Variants in CHRDL1 observed in about 807,000 individuals in gnomAD.
CHRDL1 encodes chordin-like protein 1.
A neutral mutation model predicts 40.9 loss-of-function variants in CHRDL1; 19 were observed. The observed-to-expected ratio is 0.46, with a 90% CI of 0.32 to 0.68. CHRDL1 has a LOEUF of 0.68. Among genes scored for constraint, CHRDL1 ranks in the 30% least tolerant of loss-of-function variants. The probability of loss-of-function intolerance (pLI) is 0.03; values close to 1 mark genes in which losing one functional copy is unlikely to be tolerated. For synonymous variants in CHRDL1, 136 were observed against 123.4 expected (o/e 1.10, Z -0.68); for missense variants, 329 against 352.1 (o/e 0.93, Z 0.53).
At chrX:110,707,009 C>T (rs1217557147) in intron 6 of CHRDL1, among the ~76,000 whole-genome samples, 3 of 111,585 alleles carry the variant, frequency 2.7e-5, no homozygotes, top group Non-Finnish European at 5.6e-5. Flanking sequence ...TCTCTCCTTA[C>T]CATGAGCTGG....
intron 10 of CHRDL1, among the ~76,000 whole-genome samples, chrX:110,681,270 A>C (rs1268323976): frequency 8.9e-6 from 1 of 112,019 alleles, no homozygotes; most frequent in Non-Finnish European, 1.9e-5. Flanking sequence ...GCAGCTTTGG[A>C]AACCCAAGGG....
At chrX:110,693,933 A>G (rs1193917589) in intron 8 of CHRDL1, among the ~76,000 whole-genome samples, 1 of 111,649 alleles carries the variant, frequency 9.0e-6, no homozygotes, top group African/African-American at 3.3e-5. Context: ...GAGAAAATAC[A>G]AGAGGCTGTT....
At chrX:110,702,501 A>G (rs760181846) in intron 6 of CHRDL1, among the ~76,000 whole-genome samples, 20 of 111,912 alleles carry the variant, frequency 1.8e-4, no homozygotes, top group Non-Finnish European at 3.8e-4. Flanking sequence ...GTAGCCATTC[A>G]GAGTCTAATA....
intron 9 of CHRDL1, among the ~76,000 whole-genome samples, chrX:110,685,269 CT>C (rs1358865779): frequency 9.0e-6 from 1 of 111,121 alleles, no homozygotes; most frequent in African/African-American, 3.3e-5. Context: ...TTCTTTCTTT[CT>C]TTTTTTGAGA....
intron 4 of CHRDL1, among the ~76,000 whole-genome samples, chrX:110,739,080 A>T (rs776675097): frequency 6.2e-5 from 7 of 112,148 alleles, no homozygotes; most frequent in South Asian, 7.6e-4. Flanking sequence ...GTAAAATGTA[A>T]GGACTGGCAA....
chrX:110,676,512 G>T lies in CHRDL1; in HGVS notation c.1247-151C>A, dbSNP rs1048631799. 1.9e-5 allele frequency: 9 copies of T among 474,250 alleles called. 1 individual carries two copies. The Admixed American group carries it at 3.2e-4, about 17-fold the overall frequency. 39.1% of individuals were successfully genotyped at this position (474,250 alleles called of 1,213,427 possible). A position where few individuals can be genotyped will look rare whatever the true frequency, so the allele number is the denominator to read the frequency against. On this transcript the variant is annotated intron_variant, in intron 11 of 11. Coordinates refer to ENST00000372042, the MANE Select transcript of CHRDL1 (RefSeq NM_001143981.2). ...CAAATATCACTTGGTTTCAAAAAAT[G>T]GCCCCAAAACACTTTTCTAGTAGCA...
intron 4 of CHRDL1, among the ~76,000 whole-genome samples, chrX:110,727,831 T>A (rs1372348176): frequency 8.9e-6 from 1 of 112,094 alleles, no homozygotes; most frequent in Non-Finnish European, 1.9e-5. Flanking sequence ...ATCCTATTTT[T>A]AAGAATTCAT....
At chrX:110,710,650 C>T (rs754122972) in intron 6 of CHRDL1, among the ~76,000 whole-genome samples, 2 of 111,580 alleles carry the variant, frequency 1.8e-5, no homozygotes, top group Admixed American at 1.9e-4. Flanking sequence ...CTTAGAGGGA[C>T]GGGGTCCTGG....
chrX:110,743,703 C>T (rs1315922150), intron 4 of CHRDL1, among the ~76,000 whole-genome samples: 1 of 111,811 alleles, frequency 8.9e-6, no homozygotes, highest in Non-Finnish European at 1.9e-5. Flanking sequence ...AGACTGATTT[C>T]AAATCAAAAC....
chrX:110,728,893 T>C (rs978753370), intron 4 of CHRDL1, among the ~76,000 whole-genome samples: 1 of 111,929 alleles, frequency 8.9e-6, no homozygotes, highest in African/African-American at 3.2e-5. Context: ...CCCAGCACTT[T>C]GGGAGGCGAC....
chrX:110,698,393 T>C (rs1431007820), intron 7 of CHRDL1, among the ~76,000 whole-genome samples: 1 of 111,714 alleles, frequency 9.0e-6, no homozygotes, highest in Non-Finnish European at 1.9e-5. Flanking sequence ...TGTTTATTTA[T>C]TGGGTGACTA....
At chrX:110,731,620 C>G (rs987164277) in intron 4 of CHRDL1, among the ~76,000 whole-genome samples, 1 of 110,368 alleles carries the variant, frequency 9.1e-6, no homozygotes, top group African/African-American at 3.3e-5. Flanking sequence ...AATGGATGAA[C>G]AAAATATGGT....
At chrX:110,694,775 A>G (rs2070352030) in intron 7 of CHRDL1, among the ~76,000 whole-genome samples, 1 of 112,152 alleles carries the variant, frequency 8.9e-6, no homozygotes, top group African/African-American at 3.2e-5. Context: ...CTAGTTGGGG[A>G]GGGCTTGTGA....
At chrX:110,687,666 G>GC (rs2070052808) in intron 9 of CHRDL1, among the ~76,000 whole-genome samples, 1 of 111,130 alleles carries the variant, frequency 9.0e-6, no homozygotes, top group Admixed American at 9.6e-5. Context: ...AGCTGTAAGG[G>GC]CCCCCCAAAA....
intron 4 of CHRDL1, among the ~76,000 whole-genome samples, chrX:110,741,968 T>G (rs1407583997): frequency 1.8e-5 from 2 of 112,148 alleles, no homozygotes; most frequent in African/African-American, 6.5e-5. Flanking sequence ...ATTCAGCTAT[T>G]GCTGTGTTAC....
chrX:110,705,449 C>A (rs2070616047), intron 6 of CHRDL1, among the ~76,000 whole-genome samples: 1 of 107,410 alleles, frequency 9.3e-6, no homozygotes, highest in South Asian at 3.8e-4. Flanking sequence ...AATACTAAAC[C>A]TGTATTACAT....
At position 110,747,747 on chromosome X, in the gene CHRDL1, C is replaced by T. The variant is rs760276545; in HGVS notation, c.301+11914G>A. On this transcript the variant is annotated intron_variant, in intron 4 of 11. Transcript: ENST00000372042. ...ATTGCCAACACCCCAGAAGCACCAC[C>T]CCCCAATGGAGGTCAACTCACCACC... Among the ~76,000 whole-genome samples, 3 of 112,378 alleles carry T rather than the reference C, an allele frequency of 2.7e-5. No individual in the cohort carries two copies. The East Asian group carries it at 8.4e-4, about 31-fold the overall frequency.
At chrX:110,744,787 G>T (rs1439421809) in intron 4 of CHRDL1, among the ~76,000 whole-genome samples, 2 of 111,070 alleles carry the variant, frequency 1.8e-5, no homozygotes, top group Admixed American at 1.9e-4. Flanking sequence ...CCCTTCTCCA[G>T]ACTGAATTCT....
intron 3 of CHRDL1, among the ~76,000 whole-genome samples, chrX:110,759,999 C>T (rs1283441844): frequency 8.9e-6 from 1 of 111,925 alleles, no homozygotes; most frequent in Non-Finnish European, 1.9e-5. Context: ...CAAAGCTTCC[C>T]ATTAATTGTG....
Sources: allele counts gnomAD v4.1 joint callset (sites outside exome capture counted in the v4.1 genomes callset), GRCh38; gene constraint gnomAD v4.1.1; transcripts MANE v1.5; gene names NCBI Gene and HGNC (gene_info 2026-07-23, HGNC 2026-07-21).